The following CADPS variants were observed in gnomAD, a reference collection of about 807,000 sequenced individuals.
CADPS encodes calcium dependent secretion activator, also known as calcium-dependent secretion activator 1.
Under a neutral mutation model 167.3 loss-of-function variants are expected in CADPS, and 57 were observed. The ratio of observed to expected loss-of-function variants is 0.34; its 90% CI spans 0.28 to 0.42. CADPS has a LOEUF of 0.42. Among genes scored for constraint, CADPS ranks in the 20% least tolerant of loss-of-function variants. CADPS has a pLI of 1.00. For synonymous variants in CADPS, 676 were observed against 635.3 expected (o/e 1.06, Z -0.96); for missense variants, 1,414 against 1,738.1 (o/e 0.81, Z 3.32).
At chr3:62,860,678 A>C (rs949692622) in intron 1 of CADPS, among the ~76,000 whole-genome samples, 1 of 152,160 alleles carries the variant, frequency 6.6e-6, no homozygotes, top group Non-Finnish European at 1.5e-5. Context: ...CCCAGATCCA[A>C]ATCTTACCAC....
chr3:62,438,349 C>T lies in CADPS; in HGVS notation c.3670-138G>A. 1.6e-6 allele frequency: 1 copy of T among 633,192 alleles called. No individual in the cohort carries two copies. Among genetic ancestry groups the T allele is most frequent in the Non-Finnish European group, 2.9e-6 (1 of 350,204 alleles). The allele number at this position is 633,192 out of a possible 1,614,324, so 39.2% of individuals were successfully genotyped here. ...GATCAGCTTTGTAGGCATGGGATTG[C>T]TGTCCACAGCCTGGGCTGGTAGGAA... On this transcript the variant is annotated intron_variant, in intron 27 of 29. Coordinates refer to ENST00000383710, the MANE Select transcript of CADPS (RefSeq NM_003716.4). The surrounding 1 kb of genome is among the most constrained non-coding windows in gnomAD (Gnocchi z 4.7).
At chr3:62,716,376 G>T (rs549109060) in intron 3 of CADPS, among the ~76,000 whole-genome samples, 1 of 152,178 alleles carries the variant, frequency 6.6e-6, no homozygotes, top group East Asian at 1.9e-4. Flanking sequence ...TCTAGATTTA[G>T]TAGAGAATGG....
chr3:62,543,915 A>G (rs2076083341), intron 11 of CADPS, among the ~76,000 whole-genome samples: 1 of 152,164 alleles, frequency 6.6e-6, no homozygotes, highest in African/African-American at 2.4e-5. Flanking sequence ...ATATTTTTCT[A>G]AAGTTTTAAT....
At chr3:62,592,413 G>A (rs2086258121) in intron 7 of CADPS, among the ~76,000 whole-genome samples, 1 of 152,090 alleles carries the variant, frequency 6.6e-6, no homozygotes, top group South Asian at 2.1e-4. Context: ...CTCCTGTAGG[G>A]CACACTCTTG....
At chr3:62,556,380 TGGGCTGGGCC>T in intron 10 of CADPS, among the ~76,000 whole-genome samples, 1 of 152,334 alleles carries the variant, frequency 6.6e-6, no homozygotes, top group East Asian at 1.9e-4. Flanking sequence ...TTTTACTAAG[TGGGCTGGGCC>T]CAAGGCCTTC....
chr3:62,650,359 T>G (rs62242514), intron 5 of CADPS, among the ~76,000 whole-genome samples: 1,731 of 152,276 alleles, frequency 0.011, 10 homozygotes, highest in Middle Eastern at 0.027. Flanking sequence ...ATTGACATGT[T>G]GAGCATTTTG....
chr3:62,569,666 G>A (rs1232189614), intron 9 of CADPS, among the ~76,000 whole-genome samples: 1 of 152,158 alleles, frequency 6.6e-6, no homozygotes, highest in African/African-American at 2.4e-5. Context: ...AGGTCTCTGA[G>A]TATAAAGCAC....
intron 19 of CADPS, among the ~76,000 whole-genome samples, 180 bp downstream of exon 19, chr3:62,493,465 A>G (rs2151129824): frequency 6.6e-6 from 1 of 152,324 alleles, no homozygotes; most frequent in Non-Finnish European, 1.5e-5. Flanking sequence ...CACCAAAAAA[A>G]GATGGGAAGG....
intron 13 of CADPS, among the ~76,000 whole-genome samples, chr3:62,528,507 C>T (rs560329140): frequency 1.9e-3 from 289 of 152,268 alleles, no homozygotes; most frequent in Non-Finnish European, 3.5e-3. Flanking sequence ...ATTGCACCTT[C>T]GAAAACATTT....
At chr3:62,622,729 C>T (rs560165738) in intron 6 of CADPS, among the ~76,000 whole-genome samples, 2 of 151,838 alleles carry the variant, frequency 1.3e-5, no homozygotes, top group South Asian at 2.1e-4. Context: ...TGCTGAAACC[C>T]AGGAGGAAAA....
At chr3:62,608,192 G>A (rs1310518736) in intron 6 of CADPS, among the ~76,000 whole-genome samples, 1 of 151,942 alleles carries the variant, frequency 6.6e-6, no homozygotes, top group Non-Finnish European at 1.5e-5. Context: ...CACTCTTACT[G>A]TGGGACCCCA....
chr3:62,427,323 T>C (rs966637788), intron 28 of CADPS, among the ~76,000 whole-genome samples: 20 of 152,196 alleles, frequency 1.3e-4, no homozygotes, highest in African/African-American at 4.6e-4. Context: ...TCCCGAGATA[T>C]CTACCAGGTA....
chr3:62,815,254 A>G (rs905745194), intron 1 of CADPS, among the ~76,000 whole-genome samples: 2 of 151,306 alleles, frequency 1.3e-5, no homozygotes, highest in Non-Finnish European at 2.9e-5. Context: ...GTGATAGTCA[A>G]TGGAATTCTA....
intron 3 of CADPS, among the ~76,000 whole-genome samples, chr3:62,738,972 T>C (rs949731911): frequency 1.3e-5 from 2 of 152,214 alleles, no homozygotes; most frequent in East Asian, 1.9e-4. Flanking sequence ...TGAGAAATTA[T>C]GGTAGATTCA....
intron 3 of CADPS, among the ~76,000 whole-genome samples, chr3:62,734,883 T>C (rs1313385731): frequency 6.6e-6 from 1 of 152,208 alleles, no homozygotes; most frequent in African/African-American, 2.4e-5. Context: ...TGCTTCATTG[T>C]AATAAAATTT....
intron 8 of CADPS, among the ~76,000 whole-genome samples, chr3:62,580,695 A>G (rs565740242): frequency 2.6e-5 from 4 of 152,196 alleles, no homozygotes; most frequent in Non-Finnish European, 5.9e-5. Flanking sequence ...AATGAAGGCC[A>G]TAAGGCAGTG....
At chr3:62,521,403 T>C (rs2070550770) in intron 13 of CADPS, among the ~76,000 whole-genome samples, 1 of 152,206 alleles carries the variant, frequency 6.6e-6, no homozygotes, top group Non-Finnish European at 1.5e-5. Flanking sequence ...CAAGGTGCCA[T>C]TCCAAGTAGT....
At chr3:62,736,296 A>G (rs17067111) in intron 3 of CADPS, among the ~76,000 whole-genome samples, 11,108 of 152,276 alleles carry the variant, frequency 0.073, 474 homozygotes, top group South Asian at 0.15. Flanking sequence ...AAGATACTGC[A>G]CGACCTGATA....
At chr3:62,707,910 A>G (rs975535850) in intron 3 of CADPS, among the ~76,000 whole-genome samples, 3 of 125,038 alleles carry the variant, frequency 2.4e-5, no homozygotes, top group Non-Finnish European at 5.1e-5. Flanking sequence ...TGGAGCACAG[A>G]CACAGTACTG....
Sources: gnomAD v4.1 joint callset for allele counts (sites outside exome capture counted in the v4.1 genomes callset) on GRCh38, gnomAD v4.1.1 for gene constraint, Gnocchi (gnomAD v3.1) non-coding constraint, MANE v1.5 for transcripts, NCBI Gene and HGNC (gene_info 2026-07-23, HGNC 2026-07-21) for gene names.